GRM4: variants seen among roughly 807,000 people sequenced by gnomAD.
GRM4 encodes glutamate metabotropic receptor 4.
In GRM4, 28 loss-of-function variants were observed where a neutral mutation model predicts 81.7. The observed-to-expected ratio is 0.34, with a 90% CI of 0.25 to 0.47. The LOEUF is 0.47. Among genes scored for constraint, GRM4 ranks in the 20% least tolerant of loss-of-function variants. GRM4 has a pLI of 1.00. For missense variants in GRM4, 948 were observed against 1,290.0 expected, an observed-to-expected ratio of 0.73 and a Z score of 4.06; for synonymous variants, 488 against 528.8, an observed-to-expected ratio of 0.92 and a Z score of 1.06.
At chr6:34,043,102 C>T (rs1170256820) in intron 6 of GRM4, among the ~76,000 whole-genome samples, 1 of 152,168 alleles carries the variant, frequency 6.6e-6, no homozygotes, top group Non-Finnish European at 1.5e-5. Flanking sequence ...TGGGAAAGCC[C>T]AGGTCACATA....
At chr6:34,071,348 G>A (rs796651231) in intron 3 of GRM4, among the ~76,000 whole-genome samples, 11,546 of 44,512 alleles carry the variant, frequency 0.26, 1,094 homozygotes, top group African/African-American at 0.44. Flanking sequence ...GATAAACACC[G>A]CACCACACAC....
At chr6:34,060,804 T>C (rs533437445) in intron 4 of GRM4, 54 of 151,880 alleles carry the variant, frequency 3.6e-4, no homozygotes, top group African/African-American at 8.8e-4. Context: ...GTGCCGCCTC[T>C]GTGCAGCTCT....
In GRM4 at chr6:34,036,133, C is replaced by T. The variant is rs151333213; in HGVS notation, c.1977G>A (p.Leu659=). ...CATAGCTGATGCTCATCCCTAGTCC[C>T]AGGAAGATTCGGCGCAGCGAGCAGG... is the stretch of plus-strand genomic sequence containing the variant. ...LGTCSLRRIF[L]GLGMSISYAA... The change falls in exon 9 of 11, where the codon CTG becomes CTA. Residue 659 remains leucine (L), a synonymous_variant. Transcript: ENST00000538487. The surrounding 1 kb of genome is among the most constrained non-coding windows in gnomAD (Gnocchi z 9.0). 2.6e-4 allele frequency: 427 copies of T among 1,614,228 alleles called. 1 individual carries two copies. The African/African-American group carries it at 5.3e-3, about 20-fold the overall frequency.
At chr6:34,082,048 T>G (rs1581669828) in intron 3 of GRM4, among the ~76,000 whole-genome samples, 1 of 151,510 alleles carries the variant, frequency 6.6e-6, no homozygotes, top group East Asian at 2.0e-4. Flanking sequence ...GACAGATCCC[T>G]GTCCAATGGG....
At chr6:34,025,395 C>A (rs1480353112) in intron 10 of GRM4, among the ~76,000 whole-genome samples, 1 of 152,156 alleles carries the variant, frequency 6.6e-6, no homozygotes, top group Non-Finnish European at 1.5e-5. Flanking sequence ...GTGAAAAAAA[C>A]TCTCAGCAGC....
chr6:34,110,030 C>T (rs185664441), intron 2 of GRM4, among the ~76,000 whole-genome samples: 169 of 152,264 alleles, frequency 1.1e-3, no homozygotes, highest in African/African-American at 3.7e-3. Context: ...CAGGCACAAC[C>T]GCCACTTAAA....
chr6:34,067,437 C>CCTCA (rs1766532106), intron 3 of GRM4, among the ~76,000 whole-genome samples: 1 of 127,662 alleles, frequency 7.8e-6, no homozygotes, highest in Non-Finnish European at 1.6e-5. Flanking sequence ...TCCCTCCCTC[C>CCTCA]GTCCTTCCTT....
chr6:34,033,158 G>A (rs1018131826), intron 9 of GRM4, among the ~76,000 whole-genome samples: 4 of 152,174 alleles, frequency 2.6e-5, no homozygotes, highest in African/African-American at 9.7e-5. Context: ...TGGGCCGGGC[G>A]CCATGGCTGC....
At chr6:34,031,553 G>A (rs991817903) in intron 9 of GRM4, among the ~76,000 whole-genome samples, 2 of 152,186 alleles carry the variant, frequency 1.3e-5, no homozygotes, top group Non-Finnish European at 2.9e-5. Context: ...GGCTGACCCT[G>A]ATAGGAACCA....
intron 10 of GRM4, among the ~76,000 whole-genome samples, chr6:34,027,114 A>G (rs1379405629): frequency 6.6e-6 from 1 of 152,066 alleles, no homozygotes; most frequent in African/African-American, 2.4e-5. Context: ...AGGGAACCCC[A>G]GGGTCGTAGG....
At chr6:34,032,751 T>C (rs1165677586) in intron 9 of GRM4, among the ~76,000 whole-genome samples, 1 of 151,840 alleles carries the variant, frequency 6.6e-6, no homozygotes, top group Admixed American at 6.6e-5. Context: ...CCTGCAGAGA[T>C]TGAAAGGGTA....
chr6:34,105,455 A>T lies in GRM4; in HGVS notation c.520-13356T>A, dbSNP rs1473248029. On this transcript the variant is annotated intron_variant, in intron 2 of 10. Coordinates refer to ENST00000538487, the MANE Select transcript of GRM4 (RefSeq NM_000841.4). ...GCACTTGGCCCCACTGCAGTATTTG[A>T]CCCGGTAGTCCCTTCCTCGCTTGGT... 5.9e-5 allele frequency among the ~76,000 whole-genome samples: 9 copies of T among 151,770 alleles called. No homozygotes were observed. The East Asian group carries it at 1.7e-3, about 29-fold the overall frequency.
At chr6:34,066,312 A>G (rs1766465245) in intron 3 of GRM4, among the ~76,000 whole-genome samples, 1 of 152,196 alleles carries the variant, frequency 6.6e-6, no homozygotes, top group African/African-American at 2.4e-5. Context: ...CAACAGAAGA[A>G]TGAATAAACT....
Position 34,019,871 on chromosome 6 carries a change from G to A in GRM4, c.*2950C>T, listed in dbSNP as rs1763808701. The A allele has an allele frequency of 6.6e-6, 1 of 152,218 alleles. No individual in the cohort carries two copies. Among genetic ancestry groups the A allele is most frequent in the Admixed American group, 6.5e-5 (1 of 15,288 alleles). The allele number at this position is 152,218 out of a possible 1,614,324, so 9.4% of individuals were successfully genotyped here. A position where few individuals can be genotyped will look rare whatever the true frequency, so the allele number is the denominator to read the frequency against. On this transcript the variant is annotated 3_prime_UTR_variant, in exon 11 of 11. Coordinates refer to ENST00000538487, the MANE Select transcript of GRM4 (RefSeq NM_000841.4). ...CGTCCCTCCTGCCATGGGCATCAGG[G>A]CAGGTCCCACCCAGGCCAGCTGTGG...
intron 2 of GRM4, among the ~76,000 whole-genome samples, chr6:34,105,216 C>G (rs1769060170): frequency 6.6e-6 from 1 of 152,168 alleles, no homozygotes; most frequent in African/African-American, 2.4e-5. Flanking sequence ...CACAGCCAGG[C>G]CAGGGCCAGG....
Position 34,136,664 on chromosome 6 carries a change from G to A in GRM4, c.-363-2805C>T, listed in dbSNP as rs1172026416. Among the ~76,000 whole-genome samples the A allele has an allele frequency of 2.6e-5, 4 of 151,376 alleles. No individual in the cohort carries two copies. The East Asian group carries it at 5.8e-4, about 22-fold the overall frequency. On this transcript the variant is annotated intron_variant, in intron 1 of 10. Coordinates refer to ENST00000538487, the MANE Select transcript of GRM4 (RefSeq NM_000841.4). The surrounding 1 kb of genome is among the most constrained non-coding windows in gnomAD (Gnocchi z 4.1). ...TCCAAGAGGAGAAAGGCAAACACCC[G>A]CAGATTAGAATCAAGAGCCTGGAGC... is the stretch of plus-strand genomic sequence containing the variant.
Position 34,028,157 on chromosome 6 carries a change from C to T in GRM4, c.2652G>A (p.Glu884=), listed in dbSNP as rs930476331. The change falls in exon 10 of 11, where the codon GAG becomes GAA. Residue 884 remains glutamate, a synonymous_variant. Transcript: ENST00000538487. ...GGTTCTCGCAGAGCTCAGACTTGGC[C>T]TCTCCGTTGGGCCGGAAGTTGCCCT... ...TQKGNFRPNG[E]AKSELCENLE... 1.9e-6 allele frequency: 3 copies of T among 1,613,830 alleles called. No individual in the cohort carries two copies. The highest frequency in any genetic ancestry group is 2.5e-6 in the Non-Finnish European group (3 of 1,179,968).
rs767851954 is a variant in GRM4, at chr6:34,059,122, C to G, written c.879G>C (p.Val293=). 6.2e-7 allele frequency: 1 copy of G among 1,613,304 alleles called. No homozygotes were observed. The highest frequency in any genetic ancestry group is 8.5e-7 in the Non-Finnish European group (1 of 1,179,926). Residue 293 remains valine (V), a synonymous_variant, in exon 5 of 11, where the codon GTG becomes GTC. Transcript: ENST00000538487. This position sits in a 1 kb window ranked among gnomAD's most constrained non-coding sequence, Gnocchi z 5.7. ...IFANEDDIRR[V]LEAARRANQT... ...GGTTGGCCCTTCGTGCTGCCTCCAGCACACGCCTGTAGGAACATACACCAG... is the reference window on the plus strand; with the variant it reads ...GGTTGGCCCTTCGTGCTGCCTCCAGGACACGCCTGTAGGAACATACACCAG...
At chr6:34,110,948 A>C in intron 2 of GRM4, 3 of 882,948 alleles carry the variant, frequency 3.4e-6, no homozygotes, top group Non-Finnish European at 4.5e-6. Context: ...TCTCCAGGGG[A>C]ACGCTGTGCC....
Sources: allele counts gnomAD v4.1 joint callset (sites outside exome capture counted in the v4.1 genomes callset), GRCh38; gene constraint gnomAD v4.1.1; non-coding constraint Gnocchi (gnomAD v3.1); transcripts MANE v1.5; gene names NCBI Gene and HGNC (gene_info 2026-07-23, HGNC 2026-07-21).